SPOCK1: variants seen among roughly 807,000 people sequenced by gnomAD.
The protein encoded by SPOCK1 is testican-1.
In SPOCK1, 23 loss-of-function variants were observed where a neutral mutation model predicts 55.3. The observed-to-expected ratio is 0.42, with a 90% confidence interval of 0.30 to 0.59. The LOEUF is 0.59. Ranked by LOEUF, SPOCK1 falls within the 20% of genes least tolerant of loss-of-function variation. The pLI, the probability that SPOCK1 is intolerant of heterozygous loss-of-function variation, is 0.22. For missense variants in SPOCK1, 499 were observed against 552.5 expected (o/e 0.90, Z 0.97); for synonymous variants, 226 against 221.0 (o/e 1.02, Z -0.20).
At chr5:137,167,391 A>G (rs1234052408) in intron 3 of SPOCK1, among the ~76,000 whole-genome samples, 1 of 151,850 alleles carries the variant, frequency 6.6e-6, no homozygotes, top group Non-Finnish European at 1.5e-5. Context: ...CCCCAGTTTC[A>G]GCACTGGACA....
intron 2 of SPOCK1, among the ~76,000 whole-genome samples, chr5:137,405,616 C>T (rs1290968295): frequency 6.6e-6 from 1 of 152,168 alleles, no homozygotes. Context: ...CCGAGTCCAT[C>T]TGAGCTCCAG....
intron 6 of SPOCK1, among the ~76,000 whole-genome samples, chr5:137,063,254 A>AAG (rs1200609711): frequency 1.3e-5 from 2 of 151,546 alleles, no homozygotes; most frequent in African/African-American, 2.4e-5. Flanking sequence ...AAAAAAAAAA[A>AAG]AAAGAAAGAA....
intron 2 of SPOCK1, among the ~76,000 whole-genome samples, chr5:137,491,086 C>T (rs1269827529): frequency 1.3e-5 from 2 of 152,224 alleles, no homozygotes; most frequent in Non-Finnish European, 1.5e-5. Flanking sequence ...CTCTGTGCCA[C>T]GTGCTTACTC....
chr5:137,081,061 A>G (rs1315533270), intron 5 of SPOCK1, among the ~76,000 whole-genome samples: 1 of 152,226 alleles, frequency 6.6e-6, no homozygotes, highest in East Asian at 1.9e-4. Context: ...ATCCCTCAGC[A>G]GGGGGGCTGT....
At chr5:137,403,046 C>A (rs1305640223) in intron 2 of SPOCK1, among the ~76,000 whole-genome samples, 1 of 152,236 alleles carries the variant, frequency 6.6e-6, no homozygotes, top group East Asian at 1.9e-4. Context: ...GAACTGGAAC[C>A]ATCTAAACTT....
At chr5:137,112,242 C>T (rs1034778941) in intron 5 of SPOCK1, among the ~76,000 whole-genome samples, 193 bp downstream of exon 5, 3 of 152,216 alleles carry the variant, frequency 2.0e-5, no homozygotes, top group Non-Finnish European at 2.9e-5. Context: ...AGCCCAGTTA[C>T]ACAGGATAGA....
intron 2 of SPOCK1, among the ~76,000 whole-genome samples, chr5:137,288,461 C>A (rs1757307531): frequency 6.6e-6 from 1 of 152,220 alleles, no homozygotes; most frequent in African/African-American, 2.4e-5. Context: ...TCTTCCCAGG[C>A]ACAGCCAATT....
intron 2 of SPOCK1, among the ~76,000 whole-genome samples, chr5:137,282,571 A>G (rs1336483052): frequency 6.6e-6 from 1 of 152,234 alleles, no homozygotes; most frequent in Non-Finnish European, 1.5e-5. Context: ...TGCCTTCATA[A>G]TAAGGTGATA....
chr5:137,271,451 G>T (rs148592575), intron 2 of SPOCK1, among the ~76,000 whole-genome samples: 167 of 150,250 alleles, frequency 1.1e-3, no homozygotes, highest in Middle Eastern at 6.9e-3. Context: ...ACATAAATAT[G>T]CCAAGACCAC....
At chr5:137,386,637 C>T (rs1751604056) in intron 2 of SPOCK1, among the ~76,000 whole-genome samples, 1 of 152,118 alleles carries the variant, frequency 6.6e-6, no homozygotes, top group Non-Finnish European at 1.5e-5. Context: ...ACAGACTTTA[C>T]ACCCTTTAAA....
At chr5:137,419,376 A>G (rs527826790) in intron 2 of SPOCK1, among the ~76,000 whole-genome samples, 259 of 152,246 alleles carry the variant, frequency 1.7e-3, no homozygotes, top group Non-Finnish European at 3.1e-3. Flanking sequence ...CATTGAATCT[A>G]TAAATTACCT....
chr5:137,186,739 AG>A (rs1755076773), intron 3 of SPOCK1, among the ~76,000 whole-genome samples: 1 of 152,164 alleles, frequency 6.6e-6, no homozygotes, highest in Non-Finnish European at 1.5e-5. Flanking sequence ...CCAGCCTGGG[AG>A]GCACAAGGCA....
chr5:137,300,980 C>A (rs1306983308), intron 2 of SPOCK1, among the ~76,000 whole-genome samples: 1 of 152,170 alleles, frequency 6.6e-6, no homozygotes, highest in Non-Finnish European at 1.5e-5. Flanking sequence ...GAAGAGGCTT[C>A]TTTAGGAGTC....
chr5:137,117,681 C>T (rs1753614216), intron 4 of SPOCK1, among the ~76,000 whole-genome samples: 1 of 151,984 alleles, frequency 6.6e-6, no homozygotes, highest in African/African-American at 2.4e-5. Context: ...AAGAATTCAA[C>T]AGGCTCTTGT....
At chr5:137,171,886 T>G (rs948555170) in intron 3 of SPOCK1, among the ~76,000 whole-genome samples, 1 of 152,144 alleles carries the variant, frequency 6.6e-6, no homozygotes, top group African/African-American at 2.4e-5. Flanking sequence ...GCCTACAATA[T>G]AAAGGTTACT....
At chr5:137,431,753 T>G (rs1316993037) in intron 2 of SPOCK1, among the ~76,000 whole-genome samples, 3 of 152,238 alleles carry the variant, frequency 2.0e-5, no homozygotes, top group African/African-American at 7.2e-5. Flanking sequence ...CCACTTCCCC[T>G]TTGACCTTCT....
intron 2 of SPOCK1, among the ~76,000 whole-genome samples, chr5:137,425,563 C>T (rs1300018039): frequency 6.6e-6 from 1 of 152,180 alleles, no homozygotes; most frequent in Non-Finnish European, 1.5e-5. Flanking sequence ...CTGAAGCTTG[C>T]CCAGATATCT....
intron 3 of SPOCK1, among the ~76,000 whole-genome samples, chr5:137,223,922 C>G (rs1190353827): frequency 6.6e-6 from 1 of 152,170 alleles, no homozygotes; most frequent in Admixed American, 6.5e-5. Flanking sequence ...GTTGGAATCA[C>G]CTTAGTGCAC....
At chr5:137,158,362 G>A (rs1754460552) in intron 3 of SPOCK1, among the ~76,000 whole-genome samples, 1 of 152,128 alleles carries the variant, frequency 6.6e-6, no homozygotes, top group South Asian at 2.1e-4. Flanking sequence ...TGGGAGCTTT[G>A]GATAACCTTC....
Sources: allele counts gnomAD v4.1 joint callset (sites outside exome capture counted in the v4.1 genomes callset), GRCh38; gene constraint gnomAD v4.1.1; transcripts MANE v1.5; gene names NCBI Gene and HGNC (gene_info 2026-07-23, HGNC 2026-07-21).